Variants in FAM91A1 observed in about 807,000 individuals in gnomAD.
FAM91A1 encodes the protein protein FAM91A1.
In FAM91A1, 41 loss-of-function variants were observed where a neutral mutation model predicts 113.5. The ratio of observed to expected loss-of-function variants is 0.36; its 90% CI spans 0.28 to 0.47. FAM91A1 has a LOEUF of 0.47. Ranked by LOEUF, FAM91A1 falls within the 20% of genes least tolerant of loss-of-function variation. The pLI, the probability that FAM91A1 is intolerant of heterozygous loss-of-function variation, is 1.00. For synonymous variants in FAM91A1, 307 were observed against 347.9 expected (o/e 0.88, Z 1.31); for missense variants, 696 against 1,001.2 (o/e 0.70, Z 4.11).
intron 15 of FAM91A1, among the ~76,000 whole-genome samples, chr8:123,789,988 G>A (rs1026340872): frequency 6.6e-6 from 1 of 152,288 alleles, no homozygotes; most frequent in South Asian, 2.1e-4. Context: ...ACCTGCAAAA[G>A]TGTTGGTGTT....
At chr8:123,786,203 T>G (rs376378987) in intron 11 of FAM91A1, 4 of 336,596 alleles carry the variant, frequency 1.2e-5, no homozygotes, top group Admixed American at 8.5e-5. Flanking sequence ...TTACAGATCT[T>G]TTTTGGAATA....
In FAM91A1 at chr8:123,793,834, G is replaced by A. The variant is rs1815442528; in HGVS notation, c.1411+4089G>A. On this transcript the variant is annotated intron_variant, in intron 15 of 23. Coordinates refer to ENST00000334705, the MANE Select transcript of FAM91A1 (RefSeq NM_144963.4). ...TATATTTTTAGATGTATTCTTGCTT[G>A]AAGGAGGATATAGCTACCTTGCTCT... 2.6e-5 allele frequency among the ~76,000 whole-genome samples: 4 copies of A among 152,296 alleles called. No homozygotes were observed. The South Asian group carries it at 8.3e-4, about 32-fold the overall frequency.
intron 8 of FAM91A1, among the ~76,000 whole-genome samples, chr8:123,782,960 T>A (rs768754888): frequency 6.6e-6 from 1 of 152,052 alleles, no homozygotes; most frequent in South Asian, 2.1e-4. Context: ...GCTTGAGCCC[T>A]GGAGTTCGAG....
At position 123,815,393 on chromosome 8, in the gene FAM91A1, T is replaced by C. The variant is rs754157539; in HGVS notation, c.*2689T>C. ...ATCTATAAAGTGTTGTCAATTTGATTATTGACACATATAACATGTTTACAA... is the reference window on the plus strand; with the variant it reads ...ATCTATAAAGTGTTGTCAATTTGATCATTGACACATATAACATGTTTACAA... On this transcript the variant is annotated 3_prime_UTR_variant, in exon 24 of 24. Coordinates refer to ENST00000334705, the MANE Select transcript of FAM91A1 (RefSeq NM_144963.4). 1.3e-5 allele frequency: 2 copies of C among 152,614 alleles called. No homozygotes were observed. Among genetic ancestry groups the C allele is most frequent in the Non-Finnish European group, 2.9e-5 (2 of 68,040 alleles). 9.5% of individuals were successfully genotyped at this position (152,614 alleles called of 1,614,324 possible).
intron 1 of FAM91A1, among the ~76,000 whole-genome samples, chr8:123,772,248 G>T (rs1218196049): frequency 6.6e-6 from 1 of 152,330 alleles, no homozygotes; most frequent in South Asian, 2.1e-4. Flanking sequence ...CATAGGTAGT[G>T]TATTAAGAGA....
intron 15 of FAM91A1, among the ~76,000 whole-genome samples, chr8:123,794,163 C>T (rs1292206772): frequency 6.6e-6 from 1 of 152,182 alleles, no homozygotes; most frequent in East Asian, 1.9e-4. Flanking sequence ...CTATGAATTG[C>T]ACAGGTCCAC....
intron 18 of FAM91A1, among the ~76,000 whole-genome samples, chr8:123,803,152 A>G (rs190776350): frequency 1.8e-4 from 27 of 152,098 alleles, no homozygotes; most frequent in Admixed American, 1.8e-3. Context: ...TATAGTAACA[A>G]ATCTTTCTTG....
chr8:123,792,177 A>G (rs1815401062), intron 15 of FAM91A1, among the ~76,000 whole-genome samples: 1 of 152,004 alleles, frequency 6.6e-6, no homozygotes, highest in African/African-American at 2.4e-5. Flanking sequence ...TCCGTCTCAG[A>G]AGAAAAAAAA....
intron 1 of FAM91A1, among the ~76,000 whole-genome samples, chr8:123,772,069 C>T (rs944418208): frequency 1.3e-5 from 2 of 152,056 alleles, no homozygotes; most frequent in Non-Finnish European, 2.9e-5. Flanking sequence ...GAGGGGAGCC[C>T]AGGGAGCCCA....
At chr8:123,772,994 T>A (rs1814891235) in intron 1 of FAM91A1, among the ~76,000 whole-genome samples, 1 of 152,150 alleles carries the variant, frequency 6.6e-6, no homozygotes, top group Non-Finnish European at 1.5e-5. Context: ...AGTGTTGGTC[T>A]TGCTGTTCAG....
chr8:123,780,947 T>C (rs958134143), intron 8 of FAM91A1, among the ~76,000 whole-genome samples: 1 of 152,182 alleles, frequency 6.6e-6, no homozygotes, highest in African/African-American at 2.4e-5. Flanking sequence ...TATTTCCTTT[T>C]CCCTTCTTCC....
chr8:123,774,452 A>G (rs902824901), intron 2 of FAM91A1, among the ~76,000 whole-genome samples: 5 of 152,176 alleles, frequency 3.3e-5, no homozygotes, highest in Non-Finnish European at 1.5e-5. Context: ...AAAATATGCC[A>G]TAAAAGAAAA....
rs2130063224 is a variant in FAM91A1 at position 123,779,811 on chromosome 8, C to T, written c.550-174C>T. Among the ~76,000 whole-genome samples the T allele has an allele frequency of 2.0e-5, 3 of 152,248 alleles. No homozygotes were observed. The South Asian group carries it at 6.2e-4, about 32-fold the overall frequency. On this transcript the variant is annotated intron_variant, in intron 6 of 23. Transcript: ENST00000334705. ...TCTGTTGGTATGTTGCATATTTTGG[C>T]ACCTTAATTGATGGCTATGTGCACA...
intron 16 of FAM91A1, among the ~76,000 whole-genome samples, chr8:123,798,943 T>C (rs1476246103): frequency 6.6e-6 from 1 of 152,202 alleles, no homozygotes; most frequent in Non-Finnish European, 1.5e-5. Context: ...TGCATCTAAC[T>C]AACCTTTTTA....
intron 20 of FAM91A1, among the ~76,000 whole-genome samples, chr8:123,807,273 C>T (rs1329628732): frequency 6.6e-6 from 1 of 152,060 alleles, no homozygotes; most frequent in Non-Finnish European, 1.5e-5. Flanking sequence ...GTATCTACTA[C>T]AGCTCTCCTT....
chr8:123,775,120 A>G lies in FAM91A1; in HGVS notation c.158-27A>G, dbSNP rs200887433. ...TATAACTATAAGAAACCTGAAAAAA[A>G]CTGGAGAATTTCCCTCTTTTGTGCA... On this transcript the variant is annotated intron_variant, in intron 2 of 23. Transcript: ENST00000334705. The G allele has an allele frequency of 1.2e-3, 1,871 of 1,547,156 alleles. 13 individuals carry two copies. Among genetic ancestry groups the G allele is most frequent in the Middle Eastern group, 9.6e-3 (40 of 4,188 alleles).
At chr8:123,787,994 A>G (rs1815299377) in intron 14 of FAM91A1, among the ~76,000 whole-genome samples, 1 of 152,226 alleles carries the variant, frequency 6.6e-6, no homozygotes, top group Admixed American at 6.5e-5. Context: ...ATAATTTGAG[A>G]TAATGAAGAA....
Position 123,806,236 on chromosome 8 carries a change from C to A in FAM91A1, c.2032+7C>A. On this transcript the variant is annotated splice_region_variant and intron_variant, in intron 20 of 23. Transcript: ENST00000334705. The stretch of plus-strand genomic sequence containing the variant: ...GATGCTTCTGATGAGAGAGGTTAGC[C>A]AATAGTTGGATTCTTTGGATTAAGA... The A allele has an allele frequency of 6.2e-7, 1 of 1,604,700 alleles. No individual in the cohort carries two copies. The highest frequency in any genetic ancestry group is 8.5e-7 in the Non-Finnish European group (1 of 1,174,432).
chr8:123,811,627 T>C (rs1411696388), intron 23 of FAM91A1, among the ~76,000 whole-genome samples: 1 of 151,988 alleles, frequency 6.6e-6, no homozygotes, highest in Non-Finnish European at 1.5e-5. Context: ...TTATGTTTTT[T>C]GATTAGCTGG....
Sources: allele counts gnomAD v4.1 joint callset (sites outside exome capture counted in the v4.1 genomes callset), GRCh38; gene constraint gnomAD v4.1.1; transcripts MANE v1.5; gene names NCBI Gene and HGNC (gene_info 2026-07-23, HGNC 2026-07-21).